The following TYW1B variants were observed in gnomAD, a reference collection of about 807,000 sequenced individuals.
TYW1B encodes tRNA-yW synthesizing protein 1 homolog B.
In TYW1B, 73 loss-of-function variants were observed where a neutral mutation model predicts 86.9. The observed-to-expected ratio is 0.84, with a 90% CI of 0.70 to 1.02. The LOEUF (loss-of-function observed/expected upper bound fraction) is 1.02, where lower values mean the gene tolerates loss of function less well. Among genes scored for constraint, TYW1B ranks in the 50% least tolerant of loss-of-function variants. The pLI, the probability that TYW1B is intolerant of heterozygous loss-of-function variation, is 0.00. For missense variants in TYW1B, 637 were observed against 827.4 expected (o/e 0.77, Z 2.82); for synonymous variants, 248 against 292.8 (o/e 0.85, Z 1.56).
At chr7:72,581,669 G>A (rs1554429642) in intron 13 of TYW1B, among the ~76,000 whole-genome samples, 2 of 152,036 alleles carry the variant, frequency 1.3e-5, no homozygotes. Context: ...ATGTTGGCCA[G>A]GCTGGTCTTT....
At position 72,809,077 on chromosome 7, in the gene TYW1B, CTG is replaced by C. The variant is rs573173774; in HGVS notation, c.432+1392_432+1393del. On this transcript the variant is annotated intron_variant, in intron 4 of 13. Coordinates refer to ENST00000620995, the MANE Select transcript of TYW1B (RefSeq NM_001145440.3). Reference sequence around the variant, plus strand: ...TTTTTTTTTGAGATGGAGTCTCACTCTGTCGCCCAGGCTAGAGTGCAGTGGTG... The same window carrying C: ...TTTTTTTTTGAGATGGAGTCTCACTCTCGCCCAGGCTAGAGTGCAGTGGTG... Among the ~76,000 whole-genome samples, 23 of 140,614 alleles carry C rather than the reference CTG, an allele frequency of 1.6e-4. No individual in the cohort carries two copies. In the East Asian group the frequency reaches 4.5e-3, roughly 27 times the overall value. 92.2% of individuals were successfully genotyped at this position (140,614 alleles called of 152,430 possible). A position where few individuals can be genotyped will look rare whatever the true frequency, so the allele number is the denominator to read the frequency against.
At chr7:72,802,372 A>G in intron 6 of TYW1B, 28 bp downstream of exon 6, 1 of 1,613,420 alleles carries the variant, frequency 6.2e-7, no homozygotes, top group Non-Finnish European at 8.5e-7. Flanking sequence ...GCGGGAGCCA[A>G]GTGCAACATT....
At chr7:72,672,473 A>AC (rs1813630351) in intron 11 of TYW1B, among the ~76,000 whole-genome samples, 3 of 140,780 alleles carry the variant, frequency 2.1e-5, no homozygotes, top group Admixed American at 7.2e-5. Context: ...TACACACACA[A>AC]ACACACACAC....
chr7:72,776,139 C>T lies in TYW1B; in HGVS notation c.964+1277G>A, dbSNP rs113196715. Among the ~76,000 whole-genome samples, 3 of 151,558 alleles carry T rather than the reference C, an allele frequency of 2.0e-5. No individual in the cohort carries two copies. In the South Asian group the frequency reaches 6.2e-4, roughly 32 times the overall value. On this transcript the variant is annotated intron_variant, in intron 7 of 13. Transcript: ENST00000620995. ...TCCAGCCTAGGCAAAAGAGCAAGAC[C>T]CGACTCAACCAAAAAACAAAAGTAA...
At chr7:72,805,903 A>G (rs139740940) in intron 5 of TYW1B, among the ~76,000 whole-genome samples, 7 of 152,316 alleles carry the variant, frequency 4.6e-5, no homozygotes, top group African/African-American at 1.7e-4. Context: ...CAGGTGGCCA[A>G]AAGATAACAG....
At chr7:72,625,206 A>C (rs1812315435) in intron 12 of TYW1B, among the ~76,000 whole-genome samples, 1 of 152,176 alleles carries the variant, frequency 6.6e-6, no homozygotes, top group Non-Finnish European at 1.5e-5. Flanking sequence ...ATTCACATAA[A>C]ATTTTTCATC....
At chr7:72,596,157 C>T (rs1304942413) in intron 13 of TYW1B, among the ~76,000 whole-genome samples, 2 of 65,900 alleles carry the variant, frequency 3.0e-5, no homozygotes, top group African/African-American at 1.3e-4. Context: ...TCCTGGGCAA[C>T]AAGAGTGGAA....
At chr7:72,673,060 T>C (rs1365162021) in intron 11 of TYW1B, among the ~76,000 whole-genome samples, 1 of 152,070 alleles carries the variant, frequency 6.6e-6, no homozygotes, top group Non-Finnish European at 1.5e-5. Flanking sequence ...TCCCAGTTAC[T>C]TGGAGGCTGA....
intron 8 of TYW1B, among the ~76,000 whole-genome samples, chr7:72,732,907 A>G (rs1585939091): frequency 6.6e-6 from 1 of 152,152 alleles, no homozygotes; most frequent in African/African-American, 2.4e-5. Context: ...AAACAAAAAA[A>G]GAGACATTAC....
chr7:72,737,390 G>GTT (rs1212805200), intron 8 of TYW1B, among the ~76,000 whole-genome samples: 7 of 152,124 alleles, frequency 4.6e-5, no homozygotes, highest in South Asian at 2.1e-4. Context: ...TAATCATACT[G>GTT]TTTGCTTTCC....
In TYW1B at chr7:72,575,433, G is replaced by C. The variant is rs1554428267; in HGVS notation, c.*65C>G. On this transcript the variant is annotated 3_prime_UTR_variant, in exon 14 of 14. Coordinates refer to ENST00000620995, the MANE Select transcript of TYW1B (RefSeq NM_001145440.3). ...TAATTCGTCCTTGGAGAATCAGAGTGGTGTTCAAGAACCTTTTGAGGCCAT... is the reference window on the plus strand; with the variant it reads ...TAATTCGTCCTTGGAGAATCAGAGTCGTGTTCAAGAACCTTTTGAGGCCAT... The C allele has an allele frequency of 6.4e-7, 1 of 1,573,376 alleles. No individual in the cohort carries two copies. The highest frequency in any genetic ancestry group is 1.9e-5 in the Admixed American group (1 of 53,184).
Position 72,595,449 on chromosome 7 carries a change from T to C in TYW1B, c.1786-19730A>G, listed in dbSNP as rs574879812. Among the ~76,000 whole-genome samples the C allele has an allele frequency of 4.7e-3, 714 of 152,252 alleles. 3 individuals are homozygous for C. Among genetic ancestry groups the C allele is most frequent in the Middle Eastern group, 0.01 (3 of 294 alleles). Reference sequence around the variant, plus strand: ...CTGTAATCCCAACACTTTGGAAGGCTGAGGTGGGCAGATTGCTTGAGCTCA... The same window carrying C: ...CTGTAATCCCAACACTTTGGAAGGCCGAGGTGGGCAGATTGCTTGAGCTCA... On this transcript the variant is annotated intron_variant, in intron 13 of 13. Transcript: ENST00000620995.
At chr7:72,806,514 A>G (rs1554476718) in intron 5 of TYW1B, among the ~76,000 whole-genome samples, 1 of 151,864 alleles carries the variant, frequency 6.6e-6, no homozygotes, top group African/African-American at 2.4e-5. Context: ...TGGGATTACA[A>G]GCGTGAGCCA....
intron 6 of TYW1B, among the ~76,000 whole-genome samples, chr7:72,792,380 G>A (rs1453272352): frequency 4.0e-5 from 6 of 151,676 alleles, no homozygotes; most frequent in African/African-American, 1.2e-4. Context: ...AAGAAAAAAT[G>A]CAAATGAACA....
At chr7:72,727,060 C>A (rs1306843888) in intron 9 of TYW1B, among the ~76,000 whole-genome samples, 7 of 151,568 alleles carry the variant, frequency 4.6e-5, no homozygotes, top group Non-Finnish European at 8.8e-5. Context: ...TCTCTCTCGA[C>A]GCATAGGGAT....
At chr7:72,768,353 C>T in intron 7 of TYW1B, among the ~76,000 whole-genome samples, 1 of 152,126 alleles carries the variant, frequency 6.6e-6, no homozygotes, top group Non-Finnish European at 1.5e-5. Flanking sequence ...AGAGCTCCTG[C>T]CACCGCTCTA....
chr7:72,730,930 C>CAA (rs71071907), intron 8 of TYW1B, among the ~76,000 whole-genome samples: 7 of 112,338 alleles, frequency 6.2e-5, no homozygotes, highest in African/African-American at 1.6e-4. Context: ...GATTAAATGC[C>CAA]AAAAAAAAAA....
intron 7 of TYW1B, among the ~76,000 whole-genome samples, chr7:72,751,896 G>T (rs565362964): frequency 1.3e-5 from 2 of 152,352 alleles, no homozygotes; most frequent in African/African-American, 4.8e-5. Context: ...ACTGGTCCCT[G>T]CTGGAGCTAT....
At chr7:72,641,493 T>C (rs1812798453) in intron 11 of TYW1B, among the ~76,000 whole-genome samples, 1 of 152,148 alleles carries the variant, frequency 6.6e-6, no homozygotes, top group Admixed American at 6.5e-5. Flanking sequence ...CCAAACCAAA[T>C]ACAACATCAT....
Sources: allele counts gnomAD v4.1 joint callset (sites outside exome capture counted in the v4.1 genomes callset), GRCh38; gene constraint gnomAD v4.1.1; transcripts MANE v1.5; gene names NCBI Gene and HGNC (gene_info 2026-07-23, HGNC 2026-07-21).